TRIM60: variants seen among roughly 807,000 people sequenced by gnomAD.
TRIM60 encodes the protein tripartite motif containing 60.
For missense variants in TRIM60, 524 were observed against 540.8 expected (o/e 0.97, Z 0.31); for synonymous variants, 189 against 195.2 (o/e 0.97, Z 0.27).
Position 165,040,469 on chromosome 4 carries a change from A to ATATGCTTTC in TRIM60, c.398_399insATGCTTTCT (p.Ile133_Lys134insCysPheLeu). 1 of 1,614,232 alleles carries ATATGCTTTC rather than the reference A, an allele frequency of 6.2e-7. No homozygotes were observed. Among genetic ancestry groups the ATATGCTTTC allele is most frequent in the Non-Finnish European group, 8.5e-7 (1 of 1,180,040 alleles). On this transcript the variant is annotated inframe_insertion, in exon 3 of 3. Transcript: ENST00000512596. ...ACACCAGAAGCACTACATTTGCCCT[A>ATATGCTTTC]TTAAGAAAGCTGCCTCTTATCACAG...
intron 1 of TRIM60, among the ~76,000 whole-genome samples, chr4:165,033,171 A>G (rs1247879960): frequency 6.6e-6 from 1 of 152,238 alleles, no homozygotes; most frequent in Non-Finnish European, 1.5e-5. Context: ...CCTTGGCGAC[A>G]GAGTGAGATC....
At chr4:165,038,640 CAAAA>C (rs34680036) in intron 1 of TRIM60, among the ~76,000 whole-genome samples, 5 of 64,600 alleles carry the variant, frequency 7.7e-5, no homozygotes, top group Non-Finnish European at 7.7e-5. Context: ...GACCCTGTCT[CAAAA>C]AAAAAAAAAA....
In TRIM60 at chr4:165,041,391, T is replaced by G. The variant is rs1442911479; in HGVS notation, c.1319T>G (p.Phe440Cys). Reference sequence around the variant, plus strand: ...AATGATAGGTCTATTCTCTATACTTTTAACGATTGTTTCACAGAAGCCGTT... The same window carrying G: ...AATGATAGGTCTATTCTCTATACTTGTAACGATTGTTTCACAGAAGCCGTT... ...NMNDRSILYTFNDCFTEAVWP... is the reference protein window; with the variant it reads ...NMNDRSILYTCNDCFTEAVWP... The change falls in exon 3 of 3, where the codon TTT becomes TGT. Residue 440 changes from phenylalanine (F) to cysteine (C), a missense_variant. Physicochemically the swap from Phe to Cys is radical, Grantham distance 205. Coordinates refer to ENST00000512596, the MANE Select transcript of TRIM60 (RefSeq NM_152620.3). 3.1e-6 allele frequency: 5 copies of G among 1,613,542 alleles called. No homozygotes were observed. Among genetic ancestry groups the G allele is most frequent in the South Asian group, 1.1e-5 (1 of 91,038 alleles).
chr4:165,035,427 G>T (rs950280644), intron 1 of TRIM60, among the ~76,000 whole-genome samples: 2 of 152,202 alleles, frequency 1.3e-5, no homozygotes, highest in African/African-American at 4.8e-5. Flanking sequence ...AATGGTGTGT[G>T]GGATGAAGTC....
intron 1 of TRIM60, 133 bp from the exon 2 acceptor site, chr4:165,039,068 A>C (rs1176583864): frequency 1.3e-5 from 2 of 152,074 alleles, no homozygotes; most frequent in African/African-American, 4.8e-5. Context: ...TCAAAAAATA[A>C]TAGCAATTGT....
chr4:165,041,550 A>C lies in TRIM60; in HGVS notation c.*62A>C. ...TAACTTAGCCAGTAAATTTAATCTC[A>C]TTTCTGGACTCTTTAAGTTTTACCA... On this transcript the variant is annotated 3_prime_UTR_variant, in exon 3 of 3. Coordinates refer to ENST00000512596, the MANE Select transcript of TRIM60 (RefSeq NM_152620.3). The C allele has an allele frequency of 4.5e-4, 536 of 1,200,260 alleles. No homozygotes were observed. Among genetic ancestry groups the C allele is most frequent in the Non-Finnish European group, 5.5e-4 (484 of 875,370 alleles). The allele number at this position is 1,200,260 out of a possible 1,614,324, so 74.4% of individuals were successfully genotyped here. A position where few individuals can be genotyped will look rare whatever the true frequency, so the allele number is the denominator to read the frequency against.
intron 1 of TRIM60, among the ~76,000 whole-genome samples, chr4:165,037,898 G>T (rs1433461405): frequency 6.6e-6 from 1 of 152,078 alleles, no homozygotes; most frequent in East Asian, 1.9e-4. Flanking sequence ...CTTTCTTGAA[G>T]ATCTTTACTG....
At position 165,041,583 on chromosome 4, in the gene TRIM60, C is replaced by G. The variant is rs1270651820; in HGVS notation, c.*95C>G. Reference sequence around the variant, plus strand: ...ACTCTTTAAGTTTTACCACTGAAAACCAGAGTCGATTTTTCTCCTAAATTT... The same window carrying G: ...ACTCTTTAAGTTTTACCACTGAAAAGCAGAGTCGATTTTTCTCCTAAATTT... On this transcript the variant is annotated 3_prime_UTR_variant, in exon 3 of 3. Transcript: ENST00000512596. 3 of 888,290 alleles carry G rather than the reference C, an allele frequency of 3.4e-6. No individual in the cohort carries two copies. Among genetic ancestry groups the G allele is most frequent in the Non-Finnish European group, 4.8e-6 (3 of 625,064 alleles). The allele number at this position is 888,290 out of a possible 1,614,324, so 55.0% of individuals were successfully genotyped here.
Position 165,040,153 on chromosome 4 carries a change from G to T in TRIM60, c.81G>T (p.Val27=). ...GTCTGGAGTACTTGAAAGACCCAGT[G>T]ACCATCAACTGTGGGCACAACTTCT... is the stretch of plus-strand genomic sequence containing the variant. ...PICLEYLKDP[V]TINCGHNFCR... is the part of the protein sequence containing the mutation. The change falls in exon 3 of 3, where the codon GTG becomes GTT. Residue 27 remains valine (V), a synonymous_variant. Coordinates refer to ENST00000512596, the MANE Select transcript of TRIM60 (RefSeq NM_152620.3). 1 of 1,614,096 alleles carries T rather than the reference G, an allele frequency of 6.2e-7. No individual in the cohort carries two copies. The highest frequency in any genetic ancestry group is 1.1e-5 in the South Asian group (1 of 91,066).
At chr4:165,036,532 T>C (rs563933904) in intron 1 of TRIM60, among the ~76,000 whole-genome samples, 1 of 152,220 alleles carries the variant, frequency 6.6e-6, no homozygotes, top group African/African-American at 2.4e-5. Flanking sequence ...AGCACTTTCA[T>C]AAAGGTTTTC....
intron 2 of TRIM60, 37 bp from the exon 3 acceptor site, chr4:165,040,032 A>G: frequency 3.8e-6 from 6 of 1,564,656 alleles, no homozygotes; most frequent in Non-Finnish European, 5.2e-6. Context: ...AGGACTGATC[A>G]AAGGGAGGTT....
At position 165,041,094 on chromosome 4, in the gene TRIM60, G is replaced by T; in HGVS notation, c.1022G>T (p.Gly341Val). The T allele has an allele frequency of 6.2e-7, 1 of 1,614,188 alleles. No homozygotes were observed. Among genetic ancestry groups the T allele is most frequent in the South Asian group, 1.1e-5 (1 of 91,092 alleles). The change falls in exon 3 of 3, where the codon GGC (glycine) becomes GTC (valine). Residue 341 changes from glycine (G) to valine (V), a missense_variant. Gly to Val is a moderately radical substitution (Grantham distance 109). Coordinates refer to ENST00000512596, the MANE Select transcript of TRIM60 (RefSeq NM_152620.3). ...TTTTATGTCTGCCCTGCTGTCCTAG[G>T]CTCTCAGAGATTTAGTTCTGGCCGA... Reference protein sequence around the residue: ...RRFYVCPAVLGSQRFSSGRHY... With the variant: ...RRFYVCPAVLVSQRFSSGRHY...
At position 165,040,758 on chromosome 4, in the gene TRIM60, C is replaced by A; in HGVS notation, c.686C>A (p.Thr229Lys). 1 of 1,614,064 alleles carries A rather than the reference C, an allele frequency of 6.2e-7. No individual in the cohort carries two copies. The highest frequency in any genetic ancestry group is 1.1e-5 in the South Asian group (1 of 91,064). The change falls in exon 3 of 3, where the codon ACA becomes AAA. Residue 229 changes from threonine (T) to lysine (K), a missense_variant. Transcript: ENST00000512596. ...GTAGAACTTTCAGATTATGTTTCCACATTAAAACATCTACTGAGGGAGGTA... is the reference window on the plus strand; with the variant it reads ...GTAGAACTTTCAGATTATGTTTCCAAATTAAAACATCTACTGAGGGAGGTA... Reference protein sequence around the residue: ...NLVELSDYVSTLKHLLREVEG... With the variant: ...NLVELSDYVSKLKHLLREVEG...
chr4:165,036,862 C>T (rs1409710703), intron 1 of TRIM60, among the ~76,000 whole-genome samples: 1 of 117,172 alleles, frequency 8.5e-6, no homozygotes, highest in Non-Finnish European at 1.7e-5. Context: ...GCCTGGGAGA[C>T]AAGAGTGAGA....
In TRIM60 at chr4:165,041,378, A is replaced by C; in HGVS notation, c.1306A>C (p.Ile436Leu). ...LSFYNMNDRS[I>L]LYTFNDCFTE... ...CTTTTATAATATGAATGATAGGTCT[A>C]TTCTCTATACTTTTAACGATTGTTT... The change falls in exon 3 of 3, where the codon ATT becomes CTT. Residue 436 changes from isoleucine to leucine, a missense_variant. Physicochemically the swap from Ile to Leu is conservative, Grantham distance 5 (BLOSUM62 2). Coordinates refer to ENST00000512596, the MANE Select transcript of TRIM60 (RefSeq NM_152620.3). The C allele has an allele frequency of 6.2e-7, 1 of 1,613,976 alleles. No homozygotes were observed. The highest frequency in any genetic ancestry group is 8.5e-7 in the Non-Finnish European group (1 of 1,179,892).
In TRIM60 at chr4:165,040,899, G is replaced by T; in HGVS notation, c.827G>T (p.Gly276Val). ...ELFSFRLTKYGFSLPPQYSGL... is the reference protein window; with the variant it reads ...ELFSFRLTKYVFSLPPQYSGL... ...TTTTCATTTAGATTAACAAAATATG[G>T]TTTCAGTCTTCCTCCTCAATATTCT... The change falls in exon 3 of 3, where the codon GGT becomes GTT. Residue 276 changes from glycine (G) to valine (V), a missense_variant. Transcript: ENST00000512596. 1 of 1,612,664 alleles carries T rather than the reference G, an allele frequency of 6.2e-7. No homozygotes were observed. The highest frequency in any genetic ancestry group is 2.2e-5 in the East Asian group (1 of 44,868).
At position 165,040,972 on chromosome 4, in the gene TRIM60, T is replaced by A. The variant is rs760378495; in HGVS notation, c.900T>A (p.Asp300Glu). ...IKPFQVDVIL[D>E]LNTAHPQLLV... ...CATTTCAAGTAGATGTGATTCTAGA[T>A]CTCAACACAGCACATCCTCAACTTC... The change falls in exon 3 of 3, where the codon GAT (aspartate) becomes GAA (glutamate). Residue 300 changes from aspartate to glutamate, a missense_variant. Physicochemically the swap from Asp to Glu is conservative, Grantham distance 45. Transcript: ENST00000512596. 2.5e-6 allele frequency: 4 copies of A among 1,614,068 alleles called. No homozygotes were observed. Among genetic ancestry groups the A allele is most frequent in the Non-Finnish European group, 3.4e-6 (4 of 1,179,948 alleles).
chr4:165,033,378 A>T (rs926841516), intron 1 of TRIM60, among the ~76,000 whole-genome samples: 3 of 152,220 alleles, frequency 2.0e-5, no homozygotes, highest in Non-Finnish European at 4.4e-5. Flanking sequence ...TGTGAGGAAA[A>T]TAAGGAAGAA....
intron 1 of TRIM60, among the ~76,000 whole-genome samples, chr4:165,034,812 A>G (rs2111208094): frequency 6.6e-6 from 1 of 152,356 alleles, no homozygotes; most frequent in South Asian, 2.1e-4. Flanking sequence ...GACTACTGCT[A>G]TGAACAGTTA....
Sources: allele counts gnomAD v4.1 joint callset (sites outside exome capture counted in the v4.1 genomes callset), GRCh38; gene constraint gnomAD v4.1.1; transcripts MANE v1.5; gene names NCBI Gene and HGNC (gene_info 2026-07-23, HGNC 2026-07-21).